EXD2: variants seen among roughly 807,000 people sequenced by gnomAD.
EXD2 encodes exonuclease 3'-5' domain containing 2, also known as exonuclease 3'-5' domain-containing protein 2.
Under a neutral mutation model 62.5 loss-of-function variants are expected in EXD2, and 40 were observed. The observed-to-expected ratio is 0.64, with a 90% CI of 0.50 to 0.83. The LOEUF (loss-of-function observed/expected upper bound fraction) is 0.83, where lower values mean the gene tolerates loss of function less well. EXD2 is among the 40% of genes least tolerant of loss of function. The pLI is 0.00. For synonymous variants in EXD2, 239 were observed against 291.9 expected (o/e 0.82, Z 1.85); for missense variants, 671 against 761.8 (o/e 0.88, Z 1.40).
chr14:69,221,795 TG>T (rs1168810502), intron 3 of EXD2, among the ~76,000 whole-genome samples: 2 of 147,664 alleles, frequency 1.4e-5, no homozygotes, highest in Non-Finnish European at 3.0e-5. Flanking sequence ...ATTGGCTGGC[TG>T]GGTGAGGTGG....
chr14:69,196,760 T>C (rs527419935), intron 1 of EXD2, among the ~76,000 whole-genome samples: 1 of 151,126 alleles, frequency 6.6e-6, no homozygotes, highest in South Asian at 2.1e-4. Flanking sequence ...AGTAGCTAAG[T>C]CTATAGGCAC....
At chr14:69,199,339 G>T (rs1011885500) in intron 1 of EXD2, among the ~76,000 whole-genome samples, 1 of 152,200 alleles carries the variant, frequency 6.6e-6, no homozygotes, top group Non-Finnish European at 1.5e-5. Flanking sequence ...GTGAGTGAGT[G>T]GTGGGTGAAT....
Position 69,209,385 on chromosome 14 carries a change from A to G in EXD2, c.-47-39A>G. 3 of 1,163,230 alleles carry G rather than the reference A, an allele frequency of 2.6e-6. No homozygotes were observed. In the South Asian group the frequency reaches 5.5e-5, roughly 21 times the overall value. The allele number at this position is 1,163,230 out of a possible 1,614,324, so 72.1% of individuals were successfully genotyped here. ...AAAACTTGTTTATGTAAAGGTTTAT[A>G]TTCTGTATATAAATATATTTTTGCC... On this transcript the variant is annotated intron_variant, in intron 2 of 9. Transcript: ENST00000685843.
In EXD2 at chr14:69,197,425, T is replaced by C. The variant is rs527281017; in HGVS notation, c.-132+5834T>C. The stretch of plus-strand genomic sequence containing the variant: ...TGTCTCGATGGTTGATTCATTCTTT[T>C]TTTTTTATAATTTCAACTTTTATTT... On this transcript the variant is annotated intron_variant, in intron 1 of 9. Coordinates refer to ENST00000685843, the MANE Select transcript of EXD2 (RefSeq NM_001193360.2). Among the ~76,000 whole-genome samples the C allele has an allele frequency of 9.2e-5, 14 of 152,308 alleles. No individual in the cohort carries two copies. The South Asian group carries it at 2.7e-3, about 29-fold the overall frequency.
At chr14:69,198,191 A>G (rs1028452628) in intron 1 of EXD2, among the ~76,000 whole-genome samples, 1 of 152,186 alleles carries the variant, frequency 6.6e-6, no homozygotes, top group Non-Finnish European at 1.5e-5. Flanking sequence ...ACATTTTTAT[A>G]ATAGGTTTGG....
rs978632212 is a variant in EXD2, at chr14:69,242,649, A to C, written c.*1549A>C. 6.6e-6 allele frequency: 1 copy of C among 152,218 alleles called. No individual in the cohort carries two copies. The highest frequency in any genetic ancestry group is 1.5e-5 in the Non-Finnish European group (1 of 68,048). The allele number at this position is 152,218 out of a possible 1,614,324, so 9.4% of individuals were successfully genotyped here. The stretch of plus-strand genomic sequence containing the variant: ...GTACCAGCCACTTTGAGGAATGTGC[A>C]TTCACTGTAGTGGGTTATTATGGGG... On this transcript the variant is annotated 3_prime_UTR_variant, in exon 10 of 10. Coordinates refer to ENST00000685843, the MANE Select transcript of EXD2 (RefSeq NM_001193360.2).
intron 4 of EXD2, 71 bp from the exon 5 acceptor site, chr14:69,230,401 A>G (rs1237872407): frequency 1.0e-6 from 1 of 993,682 alleles, no homozygotes; most frequent in African/African-American, 1.6e-5. Flanking sequence ...GGCCATTTAT[A>G]TGTCTTTTTT....
intron 5 of EXD2, among the ~76,000 whole-genome samples, chr14:69,230,939 T>A (rs1033143254): frequency 1.3e-5 from 2 of 152,164 alleles, no homozygotes; most frequent in Non-Finnish European, 2.9e-5. Flanking sequence ...TGCACCACCA[T>A]GCCTGGCTAA....
chr14:69,241,177 C>T lies in EXD2; in HGVS notation c.*77C>T. The T allele has an allele frequency of 3.4e-6, 4 of 1,192,438 alleles. No homozygotes were observed. Among genetic ancestry groups the T allele is most frequent in the South Asian group, 1.4e-5 (1 of 72,642 alleles). The allele number at this position is 1,192,438 out of a possible 1,614,324, so 73.9% of individuals were successfully genotyped here. A position where few individuals can be genotyped will look rare whatever the true frequency, so the allele number is the denominator to read the frequency against. On this transcript the variant is annotated 3_prime_UTR_variant, in exon 10 of 10. Transcript: ENST00000685843. Reference sequence around the variant, plus strand: ...AGAGTCACCTCTTCCCATTTTAGTACATCATTAATTGTCAAAGCCTGTGTG... The same window carrying T: ...AGAGTCACCTCTTCCCATTTTAGTATATCATTAATTGTCAAAGCCTGTGTG...
chr14:69,202,891 C>T (rs772588373), intron 1 of EXD2, among the ~76,000 whole-genome samples: 6 of 152,148 alleles, frequency 3.9e-5, no homozygotes, highest in Non-Finnish European at 7.4e-5. Context: ...AAATGAAGAA[C>T]TTGATTTGGC....
intron 5 of EXD2, 30 bp from the exon 6 acceptor site, chr14:69,234,670 A>AT: frequency 6.4e-7 from 1 of 1,562,832 alleles, no homozygotes; most frequent in Non-Finnish European, 8.7e-7. Context: ...TGCCTTCCAG[A>AT]TTCCACTGAT....
At chr14:69,228,777 C>G (rs774081338) in intron 3 of EXD2, 39 bp from the exon 4 acceptor site, 1 of 1,582,544 alleles carries the variant, frequency 6.3e-7, no homozygotes, top group East Asian at 2.3e-5. Flanking sequence ...CGCTGCTGTG[C>G]TCAGGTGTGA....
intron 1 of EXD2, among the ~76,000 whole-genome samples, chr14:69,193,081 CAG>C (rs1276157714): frequency 4.1e-5 from 6 of 144,700 alleles, no homozygotes; most frequent in African/African-American, 7.7e-5. Flanking sequence ...TTTTTTGAGA[CAG>C]AGTCTTGCTC....
chr14:69,199,552 AGC>A (rs2042318955), intron 1 of EXD2, among the ~76,000 whole-genome samples: 8 of 152,218 alleles, frequency 5.3e-5, no homozygotes, highest in Non-Finnish European at 1.0e-4. Context: ...TATGTTGTAC[AGC>A]TGTATAAAAA....
chr14:69,229,078 G>C lies in EXD2; in HGVS notation c.590+6G>C. The C allele has an allele frequency of 1.2e-6, 2 of 1,613,128 alleles. No homozygotes were observed. Among genetic ancestry groups the C allele is most frequent in the Non-Finnish European group, 1.7e-6 (2 of 1,179,104 alleles). ...TACCTAGCCATGCGGCAGAGGTGTG[G>C]TTTGTATGAATGCTGGGATTCCTAT... On this transcript the variant is annotated splice_donor_region_variant and intron_variant, in intron 4 of 9. Transcript: ENST00000685843.
At position 69,237,795 on chromosome 14, in the gene EXD2, G is replaced by A; in HGVS notation, c.1513G>A (p.Gly505Arg). 1 of 1,613,728 alleles carries A rather than the reference G, an allele frequency of 6.2e-7. No individual in the cohort carries two copies. The highest frequency in any genetic ancestry group is 1.3e-5 in the African/African-American group (1 of 75,062). The change falls in exon 9 of 10, where the codon GGG (glycine) becomes AGG (arginine). Residue 505 changes from glycine to arginine, a missense_variant. Coordinates refer to ENST00000685843, the MANE Select transcript of EXD2 (RefSeq NM_001193360.2). ...TCCTGAGCGCCGGCAGGTGCGTTCTGGGGCCAGGGCCCTGCTCAACGCGGA... is the reference window on the plus strand; with the variant it reads ...TCCTGAGCGCCGGCAGGTGCGTTCTAGGGCCAGGGCCCTGCTCAACGCGGA... ...EDPERRQVRS[G>R]ARALLNAESL...
chr14:69,202,656 C>T (rs1181569037), intron 1 of EXD2, among the ~76,000 whole-genome samples: 1 of 152,096 alleles, frequency 6.6e-6, no homozygotes, highest in African/African-American at 2.4e-5. Flanking sequence ...ATGCAGTTTA[C>T]AAAACCTCTT....
At chr14:69,237,200 T>C (rs932422881) in intron 8 of EXD2, among the ~76,000 whole-genome samples, 2 of 152,186 alleles carry the variant, frequency 1.3e-5, no homozygotes, top group Non-Finnish European at 2.9e-5. Flanking sequence ...CTTTTTCAGG[T>C]TCCTAGGCCT....
At chr14:69,236,960 C>T (rs568536313) in intron 8 of EXD2, among the ~76,000 whole-genome samples, 1 of 152,242 alleles carries the variant, frequency 6.6e-6, no homozygotes, top group South Asian at 2.1e-4. Context: ...ACATCAGGGC[C>T]CCTGCACTGT....
Sources: allele counts gnomAD v4.1 joint callset (sites outside exome capture counted in the v4.1 genomes callset), GRCh38; gene constraint gnomAD v4.1.1; transcripts MANE v1.5; gene names NCBI Gene and HGNC (gene_info 2026-07-23, HGNC 2026-07-21).